The following BTBD8 variants were observed in gnomAD, a reference collection of about 807,000 sequenced individuals.
BTBD8 encodes the protein BTB/POZ domain-containing protein 8.
BTBD8 carries 110 observed loss-of-function variants against 162.9 expected under a neutral mutation model. The ratio of observed to expected loss-of-function variants is 0.68; its 90% CI spans 0.58 to 0.79. The LOEUF (loss-of-function observed/expected upper bound fraction) is 0.79, where lower values mean the gene tolerates loss of function less well. Ranked by LOEUF, BTBD8 falls within the 30% of genes least tolerant of loss-of-function variation. BTBD8 has a pLI of 0.00. For synonymous variants in BTBD8, 667 were observed against 716.1 expected, an observed-to-expected ratio of 0.93 and a Z score of 1.10; for missense variants, 1,905 against 2,085.4, an observed-to-expected ratio of 0.91 and a Z score of 1.68.
rs962881902 is a variant in BTBD8, at chr1:92,166,861, G to A, written c.1123-97G>A. 2.4e-6 allele frequency: 3 copies of A among 1,271,830 alleles called. No homozygotes were observed. The African/African-American group carries it at 4.5e-5, about 19-fold the overall frequency. The allele number at this position is 1,271,830 out of a possible 1,614,324, so 78.8% of individuals were successfully genotyped here. A position where few individuals can be genotyped will look rare whatever the true frequency, so the allele number is the denominator to read the frequency against. On this transcript the variant is annotated intron_variant, in intron 9 of 17. Transcript: ENST00000636805. Reference sequence around the variant, plus strand: ...GCTACCTGGAATTTTGTTTTTGCAGGAAACATCCCATAACAACAAAAGTAT... The same window carrying A: ...GCTACCTGGAATTTTGTTTTTGCAGAAAACATCCCATAACAACAAAAGTAT...
At chr1:92,097,429 T>C (rs1318697893) in intron 2 of BTBD8, among the ~76,000 whole-genome samples, 2 of 152,190 alleles carry the variant, frequency 1.3e-5, no homozygotes, top group East Asian at 3.8e-4. Flanking sequence ...CATTCTAAAG[T>C]GTATGAGTCA....
chr1:92,125,728 T>C (rs145463566), intron 4 of BTBD8: 157 of 440,740 alleles, frequency 3.6e-4, no homozygotes, highest in Admixed American at 1.6e-3. Context: ...GAAAAGAATG[T>C]GCTGATTTCA....
intron 4 of BTBD8, chr1:92,126,074 T>A (rs1475559083): frequency 2.0e-6 from 1 of 490,354 alleles, no homozygotes; most frequent in Non-Finnish European, 4.1e-6. Flanking sequence ...AGGAATTCCT[T>A]AGTAAAGTGT....
At chr1:92,115,257 G>T in intron 4 of BTBD8, 1 of 475,460 alleles carries the variant, frequency 2.1e-6, no homozygotes, top group South Asian at 1.9e-5. Context: ...CAGTCTTCTA[G>T]ATGGCAGTGA....
chr1:92,088,605 A>T, intron 1 of BTBD8, 93 bp from the exon 2 acceptor site: 1 of 968,480 alleles, frequency 1.0e-6, no homozygotes, highest in Non-Finnish European at 1.4e-6. Context: ...TGTATTTTTT[A>T]GCTTATGTGT....
intron 9 of BTBD8, among the ~76,000 whole-genome samples, chr1:92,156,649 T>G (rs1650163860): frequency 6.6e-6 from 1 of 152,198 alleles, no homozygotes; most frequent in African/African-American, 2.4e-5. Flanking sequence ...TTTCTATTTC[T>G]TCATGATTCA....
At chr1:92,138,331 A>G (rs1024726990) in intron 5 of BTBD8, among the ~76,000 whole-genome samples, 1 of 152,224 alleles carries the variant, frequency 6.6e-6, no homozygotes, top group Non-Finnish European at 1.5e-5. Flanking sequence ...GAATGAAACA[A>G]ATTTTGTGTA....
At chr1:92,122,650 C>T (rs985985712) in intron 4 of BTBD8, among the ~76,000 whole-genome samples, 2 of 151,974 alleles carry the variant, frequency 1.3e-5, no homozygotes, top group Non-Finnish European at 2.9e-5. Context: ...TACAAGCCTG[C>T]GCCCCTCAGG....
chr1:92,117,720 T>G (rs1362408190), intron 4 of BTBD8, among the ~76,000 whole-genome samples: 1 of 152,060 alleles, frequency 6.6e-6, no homozygotes, highest in African/African-American at 2.4e-5. Context: ...TTCAGCTGAC[T>G]CAGCTTCTTG....
chr1:92,088,698 G>A lies in BTBD8; in HGVS notation c.150G>A (p.Arg50=). 2 of 1,573,550 alleles carry A rather than the reference G, an allele frequency of 1.3e-6. No homozygotes were observed. The highest frequency in any genetic ancestry group is 1.7e-4 in the Middle Eastern group (1 of 5,868). The change falls in exon 2 of 18, where the codon AGG becomes AGA. Residue 50 remains arginine, a splice_region_variant and synonymous_variant. Transcript: ENST00000636805. ...TATGATTCCTTTTTATTCCTTATAG[G>A]CTTCTAAGGGAAGAATTCCATACAG... The part of the protein sequence containing the change: ...VSEQLSQDLL[R]LLREEFHTDV...
intron 2 of BTBD8, among the ~76,000 whole-genome samples, chr1:92,094,681 T>A (rs1463170461): frequency 6.6e-6 from 1 of 152,208 alleles, no homozygotes; most frequent in African/African-American, 2.4e-5. Flanking sequence ...AAGTTGTGCT[T>A]GCTTTATGAC....
At chr1:92,165,149 A>G (rs1650357649) in intron 9 of BTBD8, among the ~76,000 whole-genome samples, 1 of 152,044 alleles carries the variant, frequency 6.6e-6, no homozygotes, top group Admixed American at 6.6e-5. Context: ...TTATTAGTAA[A>G]TGGTTAAAAT....
Position 92,125,778 on chromosome 1 carries a change from A to G in BTBD8, c.663-3909A>G, listed in dbSNP as rs113845074. ...TGAGAGAAGTGATATATTTGATGCC[A>G]TATTTCCATGTCTCCTTTATCACTG... is the stretch of plus-strand genomic sequence containing the variant. On this transcript the variant is annotated intron_variant, in intron 4 of 17. Coordinates refer to ENST00000636805, the MANE Select transcript of BTBD8 (RefSeq NM_001376131.1). 1.2e-3 allele frequency: 528 copies of G among 424,044 alleles called. 7 individuals are homozygous for G. Among genetic ancestry groups the G allele is most frequent in the African/African-American group, 7.3e-3 (353 of 48,672 alleles). 26.3% of individuals were successfully genotyped at this position (424,044 alleles called of 1,614,324 possible).
At chr1:92,164,344 G>A (rs1570752142) in intron 9 of BTBD8, among the ~76,000 whole-genome samples, 4 of 152,162 alleles carry the variant, frequency 2.6e-5, no homozygotes, top group African/African-American at 4.8e-5. Context: ...AGAGCTGGGC[G>A]TGGTAGCTCA....
At position 92,181,301 on chromosome 1, in the gene BTBD8, A is replaced by G. The variant is rs996254095; in HGVS notation, c.3618A>G (p.Leu1206=). 9 of 1,551,498 alleles carry G rather than the reference A, an allele frequency of 5.8e-6. No homozygotes were observed. Among genetic ancestry groups the G allele is most frequent in the Admixed American group, 3.9e-5 (2 of 50,962 alleles). ...CTTCCAAGTGTTTTTCGGGACAGCT[A>G]TCAGAAAAAAATTCTCCTAAAAATA... is the stretch of plus-strand genomic sequence containing the variant. The part of the protein sequence containing the change: ...DVSSKCFSGQ[L]SEKNSPKNME... The change falls in exon 17 of 18, where the codon CTA becomes CTG. Residue 1206 remains leucine (L), a synonymous_variant. Transcript: ENST00000636805.
chr1:92,106,929 C>T (rs1009549940), intron 3 of BTBD8, among the ~76,000 whole-genome samples: 4 of 151,898 alleles, frequency 2.6e-5, no homozygotes, highest in African/African-American at 9.7e-5. Flanking sequence ...ATAAAAGTAG[C>T]TGAGCATGGT....
chr1:92,106,344 C>A (rs1455838428), intron 3 of BTBD8, among the ~76,000 whole-genome samples: 5 of 151,958 alleles, frequency 3.3e-5, no homozygotes, highest in Admixed American at 3.3e-4. Context: ...TCATGACTAT[C>A]AGGAGGCTAA....
At chr1:92,109,742 G>C (rs1431457675) in intron 4 of BTBD8, among the ~76,000 whole-genome samples, 1 of 152,122 alleles carries the variant, frequency 6.6e-6, no homozygotes, top group African/African-American at 2.4e-5. Flanking sequence ...GGAATATTGT[G>C]TCAGTAGTTC....
chr1:92,147,302 T>G, intron 8 of BTBD8, 34 bp downstream of exon 8: 1 of 1,527,242 alleles, frequency 6.5e-7, no homozygotes, highest in Non-Finnish European at 9.0e-7. Context: ...ATACTATTAA[T>G]TTAGGGATTT....
Sources: gnomAD v4.1 joint callset for allele counts (sites outside exome capture counted in the v4.1 genomes callset) on GRCh38, gnomAD v4.1.1 for gene constraint, MANE v1.5 for transcripts, NCBI Gene and HGNC (gene_info 2026-07-23, HGNC 2026-07-21) for gene names.